Variants in MDFIC observed in about 807,000 individuals in gnomAD.
The protein encoded by MDFIC is myoD family inhibitor domain-containing protein.
Under a neutral mutation model 23.2 loss-of-function variants are expected in MDFIC, and 17 were observed. The observed-to-expected ratio is 0.73, with a 90% CI of 0.50 to 1.10. MDFIC has a LOEUF of 1.10. Among genes scored for constraint, MDFIC ranks in the 50% least tolerant of loss-of-function variants. The pLI is 0.00. For synonymous variants in MDFIC, 120 were observed against 115.2 expected, an observed-to-expected ratio of 1.04 and a Z score of -0.27; for missense variants, 356 against 316.6, an observed-to-expected ratio of 1.12 and a Z score of -0.95.
intron 3 of MDFIC, among the ~76,000 whole-genome samples, chr7:114,956,201 T>C (rs1792878954): frequency 1.3e-5 from 2 of 152,144 alleles, no homozygotes; most frequent in African/African-American, 4.8e-5. Flanking sequence ...CTTTTACCAC[T>C]AGTATTAATA....
intron 4 of MDFIC, among the ~76,000 whole-genome samples, chr7:114,991,307 C>G (rs1204339891): frequency 6.6e-6 from 1 of 152,112 alleles, no homozygotes; most frequent in African/African-American, 2.4e-5. Context: ...GTTGCCTGTT[C>G]ACTCTGATGG....
At position 114,923,033 on chromosome 7, in the gene MDFIC, C is replaced by G. The variant is rs1398830120; in HGVS notation, c.-1C>G. On this transcript the variant is annotated 5_prime_UTR_variant, in exon 2 of 5. Transcript: ENST00000393486. ...GCGGCGCGGGCTCGGCGGAGCGGCCCATGTCCGGCGCGGGCGAAGCCCTCG... is the reference window on the plus strand; with the variant it reads ...GCGGCGCGGGCTCGGCGGAGCGGCCGATGTCCGGCGCGGGCGAAGCCCTCG... 4.3e-6 allele frequency: 6 copies of G among 1,382,192 alleles called. No homozygotes were observed. Among genetic ancestry groups the G allele is most frequent in the South Asian group, 1.7e-5 (1 of 60,396 alleles). The allele number at this position is 1,382,192 out of a possible 1,614,324, so 85.6% of individuals were successfully genotyped here.
intron 3 of MDFIC, among the ~76,000 whole-genome samples, chr7:114,944,994 G>A (rs1792617035): frequency 6.6e-6 from 1 of 152,216 alleles, no homozygotes; most frequent in Admixed American, 6.5e-5. Context: ...AGGCTGGCTG[G>A]GGTGTGGGAA....
At chr7:114,993,893 C>T (rs1791249433) in intron 4 of MDFIC, among the ~76,000 whole-genome samples, 1 of 152,134 alleles carries the variant, frequency 6.6e-6, no homozygotes, top group South Asian at 2.1e-4. Context: ...AGTTCAGTTC[C>T]TGGGTATCCT....
At position 114,979,530 on chromosome 7, in the gene MDFIC, T is replaced by A; in HGVS notation, c.242T>A (p.Leu81His). Residue 81 changes from leucine (L) to histidine (H), a missense_variant, in exon 4 of 5, where the codon CTT (leucine) becomes CAT (histidine). Leu to His is a moderately conservative substitution (Grantham distance 99, BLOSUM62 -3). Transcript: ENST00000393486. ...GCCCAACCTCAGCGCTTGCCTCAGC[T>A]TCAGACTTCAGCCCAGGTGCCAAGT... ...IRTQPQRLPQ[L>H]QTSAQVPSGE... 6.2e-7 allele frequency: 1 copy of A among 1,613,410 alleles called. No homozygotes were observed.
In MDFIC at chr7:114,922,956, C is replaced by T. The variant is rs1490117538; in HGVS notation, c.-78C>T. 5 of 1,579,748 alleles carry T rather than the reference C, an allele frequency of 3.2e-6. No homozygotes were observed. In the African/African-American group the frequency reaches 5.6e-5, roughly 18 times the overall value. Reference sequence around the variant, plus strand: ...AGTCAGTTCCCTGCACCCAGCACCTCACAGCCCTTCCTCCGTGCGCCCTGC... The same window carrying T: ...AGTCAGTTCCCTGCACCCAGCACCTTACAGCCCTTCCTCCGTGCGCCCTGC... On this transcript the variant is annotated 5_prime_UTR_variant, in exon 2 of 5. Transcript: ENST00000393486.
At chr7:114,965,220 AG>A (rs566810613) in intron 3 of MDFIC, among the ~76,000 whole-genome samples, 44 of 152,312 alleles carry the variant, frequency 2.9e-4, no homozygotes, top group African/African-American at 1.0e-3. Context: ...TTTGGGAATC[AG>A]GAGAAATTCA....
At chr7:114,955,600 A>C (rs1056589575) in intron 3 of MDFIC, among the ~76,000 whole-genome samples, 4 of 152,228 alleles carry the variant, frequency 2.6e-5, no homozygotes, top group Non-Finnish European at 4.4e-5. Context: ...AGGGCCATGC[A>C]CATAGTTTCC....
chr7:115,002,127 CCT>C (rs1284901727), intron 4 of MDFIC, among the ~76,000 whole-genome samples: 2 of 151,566 alleles, frequency 1.3e-5, no homozygotes, highest in Non-Finnish European at 2.9e-5. Context: ...ACAGAGCAAG[CCT>C]CTGTCTCAAA....
chr7:115,015,611 A>C, intron 4 of MDFIC, 77 bp from the exon 5 acceptor site: 1 of 1,537,564 alleles, frequency 6.5e-7, no homozygotes, highest in African/African-American at 1.4e-5. Context: ...CTCAATTCTT[A>C]TTGAGTCAAT....
At chr7:114,952,071 A>G (rs1792788379) in intron 3 of MDFIC, among the ~76,000 whole-genome samples, 1 of 152,210 alleles carries the variant, frequency 6.6e-6, no homozygotes, top group Non-Finnish European at 1.5e-5. Context: ...GTGGGACTCC[A>G]TTTCTGGTAA....
intron 4 of MDFIC, among the ~76,000 whole-genome samples, chr7:114,989,162 A>G (rs935145762): frequency 2.0e-5 from 3 of 152,208 alleles, no homozygotes; most frequent in African/African-American, 7.2e-5. Context: ...GGGGAGACAG[A>G]CTGGAGATAA....
intron 3 of MDFIC, among the ~76,000 whole-genome samples, chr7:114,954,344 C>T (rs996796685): frequency 6.6e-6 from 1 of 152,226 alleles, no homozygotes; most frequent in Non-Finnish European, 1.5e-5. Context: ...CAACTGGAAT[C>T]TGCAAATGAT....
intron 3 of MDFIC, among the ~76,000 whole-genome samples, chr7:114,945,911 G>T (rs1439566779): frequency 2.6e-5 from 4 of 151,972 alleles, no homozygotes; most frequent in Admixed American, 2.0e-4. Flanking sequence ...ATTTCTGAAA[G>T]GTGGCTTAAA....
At chr7:114,963,993 A>C (rs1015722765) in intron 3 of MDFIC, among the ~76,000 whole-genome samples, 1 of 152,234 alleles carries the variant, frequency 6.6e-6, no homozygotes, top group Non-Finnish European at 1.5e-5. Context: ...ATATAAATAA[A>C]ACATAATTTT....
At chr7:114,933,128 T>G (rs1431778966) in intron 2 of MDFIC, among the ~76,000 whole-genome samples, 1 of 152,230 alleles carries the variant, frequency 6.6e-6, no homozygotes, top group Non-Finnish European at 1.5e-5. Context: ...AAAATAACTC[T>G]GTATAACTGA....
At chr7:114,954,726 C>A (rs1035929772) in intron 3 of MDFIC, among the ~76,000 whole-genome samples, 6 of 152,148 alleles carry the variant, frequency 3.9e-5, no homozygotes, top group Non-Finnish European at 8.8e-5. Flanking sequence ...GGTCTACATG[C>A]CTGATACCTT....
At chr7:114,952,430 A>G (rs1262995690) in intron 3 of MDFIC, among the ~76,000 whole-genome samples, 2 of 146,752 alleles carry the variant, frequency 1.4e-5, no homozygotes, top group Non-Finnish European at 3.0e-5. Context: ...TTTTTTTTTC[A>G]ACTAGCCTTT....
At chr7:114,950,461 G>C (rs969322312) in intron 3 of MDFIC, among the ~76,000 whole-genome samples, 1 of 152,190 alleles carries the variant, frequency 6.6e-6, no homozygotes, top group East Asian at 1.9e-4. Flanking sequence ...AAATGGGTAG[G>C]GAAGGAAATA....
Sources: allele counts gnomAD v4.1 joint callset (sites outside exome capture counted in the v4.1 genomes callset), GRCh38; gene constraint gnomAD v4.1.1; transcripts MANE v1.5; gene names NCBI Gene and HGNC (gene_info 2026-07-23, HGNC 2026-07-21).